Variants in PLCL2 observed in about 807,000 individuals in gnomAD.
PLCL2 encodes the protein phospholipase C like 2.
A neutral mutation model predicts 79.6 loss-of-function variants in PLCL2; 4 were observed. The observed-to-expected ratio is 0.05, with a 90% CI of 0.02 to 0.11. The LOEUF (loss-of-function observed/expected upper bound fraction) is 0.11, where lower values mean the gene tolerates loss of function less well. PLCL2 is among the 10% of genes least tolerant of loss of function. The pLI is 1.00. For synonymous variants in PLCL2, 484 were observed against 457.7 expected, an observed-to-expected ratio of 1.06 and a Z score of -0.73; for missense variants, 895 against 1,291.0, an observed-to-expected ratio of 0.69 and a Z score of 4.70.
chr3:16,980,639 C>A (rs2063982096), intron 1 of PLCL2, among the ~76,000 whole-genome samples: 1 of 151,786 alleles, frequency 6.6e-6, no homozygotes, highest in African/African-American at 2.4e-5. Context: ...AGAGACGCTC[C>A]TCACTTTCCA....
rs142069638 is a variant in PLCL2, at chr3:16,894,665, C to T, written c.327+9299C>T. Among the ~76,000 whole-genome samples the T allele has an allele frequency of 7.8e-3, 1,189 of 152,258 alleles. 17 individuals are homozygous for T. Among genetic ancestry groups the T allele is most frequent in the African/African-American group, 0.027 (1,112 of 41,558 alleles). On this transcript the variant is annotated intron_variant, in intron 1 of 5. Coordinates refer to ENST00000615277, the MANE Select transcript of PLCL2 (RefSeq NM_001144382.2). ...TTGTGACGGTTATGTAATGGTACTT[C>T]ACTGTGGCTTTTTGGCTGAATTTCT... is the stretch of plus-strand genomic sequence containing the variant.
In PLCL2 at chr3:16,977,187, C is replaced by T. The variant is rs148008287; in HGVS notation, c.328-32487C>T. ...TTTATTTATTGAGTGAATTATTTCA[C>T]ACCACTTTATGTTATGATTTGTATT... On this transcript the variant is annotated intron_variant, in intron 1 of 5. Transcript: ENST00000615277. Among the ~76,000 whole-genome samples the T allele has an allele frequency of 2.3e-3, 343 of 152,258 alleles. 2 individuals carry two copies. The highest frequency in any genetic ancestry group is 7.7e-3 in the African/African-American group (321 of 41,528).
intron 5 of PLCL2, among the ~76,000 whole-genome samples, chr3:17,071,441 AT>A (rs1440534591): frequency 2.6e-5 from 4 of 152,006 alleles, no homozygotes; most frequent in African/African-American, 4.8e-5. Context: ...ACTTCCAGTC[AT>A]TTTTTTTCTT....
intron 1 of PLCL2, among the ~76,000 whole-genome samples, chr3:16,993,905 T>C (rs1015645421): frequency 3.9e-5 from 6 of 152,194 alleles, no homozygotes; most frequent in African/African-American, 1.4e-4. Context: ...ATATGTTCTG[T>C]GGCATATTAT....
intron 1 of PLCL2, among the ~76,000 whole-genome samples, chr3:16,930,383 C>A (rs1241637952): frequency 6.6e-6 from 1 of 152,060 alleles, no homozygotes. Context: ...CAGGGAAGAA[C>A]CAGTATTGGG....
chr3:17,077,508 A>G (rs1342569469), intron 5 of PLCL2, among the ~76,000 whole-genome samples: 2 of 151,982 alleles, frequency 1.3e-5, no homozygotes, highest in Non-Finnish European at 2.9e-5. Flanking sequence ...TGCTCATTTC[A>G]TCAGGAATGT....
chr3:16,963,758 G>A (rs1165178565), intron 1 of PLCL2, among the ~76,000 whole-genome samples: 2 of 151,738 alleles, frequency 1.3e-5, no homozygotes, highest in Non-Finnish European at 2.9e-5. Flanking sequence ...GTACAAATGA[G>A]TTAATTGAGG....
At chr3:16,973,610 A>T (rs1291052709) in intron 1 of PLCL2, among the ~76,000 whole-genome samples, 1 of 152,142 alleles carries the variant, frequency 6.6e-6, no homozygotes, top group African/African-American at 2.4e-5. Flanking sequence ...AACACTGAGA[A>T]CCCTACAGTG....
Position 17,034,397 on chromosome 3 carries a change from A to G in PLCL2, c.3019-8477A>G, listed in dbSNP as rs112005330. Among the ~76,000 whole-genome samples the G allele has an allele frequency of 4.1e-3, 625 of 152,312 alleles. 6 individuals carry two copies. The highest frequency in any genetic ancestry group is 0.014 in the African/African-American group (587 of 41,562). On this transcript the variant is annotated intron_variant, in intron 3 of 5. Transcript: ENST00000615277. Reference sequence around the variant, plus strand: ...TGAATAAATAAATGAATGAATGAATATAAGTTATTGGGAAATAAAAAAAAT... The same window carrying G: ...TGAATAAATAAATGAATGAATGAATGTAAGTTATTGGGAAATAAAAAAAAT...
Position 17,089,694 on chromosome 3 carries a change from G to C in PLCL2, c.3205-39G>C, listed in dbSNP as rs368314623. 3 of 1,185,904 alleles carry C rather than the reference G, an allele frequency of 2.5e-6. No homozygotes were observed. The African/African-American group carries it at 4.6e-5, about 18-fold the overall frequency. 73.5% of individuals were successfully genotyped at this position (1,185,904 alleles called of 1,614,324 possible). A position where few individuals can be genotyped will look rare whatever the true frequency, so the allele number is the denominator to read the frequency against. On this transcript the variant is annotated intron_variant, in intron 5 of 5. Transcript: ENST00000615277. ...TTGTTGAAGTATAACACTAAGTTAT[G>C]TCATATCTAATACTGTTTAATTGCA...
chr3:17,006,758 T>G (rs1300862609), intron 1 of PLCL2, among the ~76,000 whole-genome samples: 1 of 152,210 alleles, frequency 6.6e-6, no homozygotes, highest in Non-Finnish European at 1.5e-5. Flanking sequence ...GGCTGGTTTG[T>G]GAAAAGCATG....
chr3:17,071,904 G>A (rs2065063811), intron 5 of PLCL2, among the ~76,000 whole-genome samples: 1 of 151,492 alleles, frequency 6.6e-6, no homozygotes, highest in East Asian at 1.9e-4. Flanking sequence ...TCGGCTCACT[G>A]CAACCTCTGC....
rs2064185337 is a variant in PLCL2, at chr3:16,999,487, G to A, written c.328-10187G>A. On this transcript the variant is annotated intron_variant, in intron 1 of 5. Transcript: ENST00000615277. ...TGTACAGTGTACCAAATTCCAGGCAGTGTTTAGAGCAGTTTTCAAATATGA... is the reference window on the plus strand; with the variant it reads ...TGTACAGTGTACCAAATTCCAGGCAATGTTTAGAGCAGTTTTCAAATATGA... 2.6e-5 allele frequency among the ~76,000 whole-genome samples: 4 copies of A among 152,302 alleles called. No individual in the cohort carries two copies. The South Asian group carries it at 8.3e-4, about 32-fold the overall frequency.
intron 1 of PLCL2, among the ~76,000 whole-genome samples, chr3:16,921,052 T>G (rs1697113982): frequency 6.6e-6 from 1 of 152,220 alleles, no homozygotes; most frequent in African/African-American, 2.4e-5. Flanking sequence ...GAAAAGCATC[T>G]TTAAACATTA....
At chr3:16,994,765 C>G (rs1037028325) in intron 1 of PLCL2, among the ~76,000 whole-genome samples, 2 of 152,122 alleles carry the variant, frequency 1.3e-5, no homozygotes, top group South Asian at 2.1e-4. Flanking sequence ...TCTGACATCC[C>G]CCTTCTACCA....
intron 5 of PLCL2, among the ~76,000 whole-genome samples, chr3:17,073,277 A>G (rs1194531842): frequency 6.6e-6 from 1 of 152,350 alleles, no homozygotes; most frequent in East Asian, 1.9e-4. Flanking sequence ...TTGGTTTCCC[A>G]GTATATATAA....
At chr3:16,942,957 A>G (rs1366313057) in intron 1 of PLCL2, among the ~76,000 whole-genome samples, 2 of 152,240 alleles carry the variant, frequency 1.3e-5, no homozygotes, top group African/African-American at 4.8e-5. Context: ...GGTGCTGTGC[A>G]TAGAAAAATG....
intron 1 of PLCL2, among the ~76,000 whole-genome samples, chr3:16,958,736 G>A (rs6780191): frequency 0.57 from 87,041 of 152,004 alleles, 25,106 homozygotes; most frequent in South Asian, 0.65. Flanking sequence ...ACACCTGGAA[G>A]CTCTACATTG....
intron 1 of PLCL2, among the ~76,000 whole-genome samples, chr3:16,948,733 A>G (rs2063624131): frequency 6.6e-6 from 1 of 152,314 alleles, no homozygotes; most frequent in South Asian, 2.1e-4. Flanking sequence ...TGAATAGAGA[A>G]CAGATTCCTT....
Sources: gnomAD v4.1 joint callset for allele counts (sites outside exome capture counted in the v4.1 genomes callset) on GRCh38, gnomAD v4.1.1 for gene constraint, MANE v1.5 for transcripts, NCBI Gene and HGNC (gene_info 2026-07-23, HGNC 2026-07-21) for gene names.